Variants in ERICH6B observed in about 807,000 individuals in gnomAD.
The protein encoded by ERICH6B is glutamate-rich protein 6B.
A neutral mutation model predicts 80.0 loss-of-function variants in ERICH6B; 69 were observed. That is an observed-to-expected ratio of 0.86 (90% CI 0.71 to 1.05). The LOEUF is 1.05. Among genes scored for constraint, ERICH6B ranks in the 50% least tolerant of loss-of-function variants. The pLI, the probability that ERICH6B is intolerant of heterozygous loss-of-function variation, is 0.00. For missense variants in ERICH6B, 754 were observed against 796.1 expected, an observed-to-expected ratio of 0.95 and a Z score of 0.64; for synonymous variants, 283 against 291.9, an observed-to-expected ratio of 0.97 and a Z score of 0.31.
At chr13:45,544,429 C>T (rs1272078205) in intron 14 of ERICH6B, among the ~76,000 whole-genome samples, 2 of 152,044 alleles carry the variant, frequency 1.3e-5, no homozygotes, top group Non-Finnish European at 2.9e-5. Context: ...GCTATGTTGC[C>T]CAAGCTGCTC....
chr13:45,561,544 G>A lies in ERICH6B; in HGVS notation c.1250-18C>T, dbSNP rs1016615681. 7.7e-6 allele frequency: 12 copies of A among 1,549,738 alleles called. No homozygotes were observed. Among genetic ancestry groups the A allele is most frequent in the East Asian group, 7.3e-5 (3 of 40,910 alleles). ...CTTTTGAGCTGCCATTCAATTCAAC[G>A]ATTGCATTGAATAAGATTTTGGTGG... On this transcript the variant is annotated intron_variant, in intron 10 of 14. Transcript: ENST00000298738.
chr13:45,551,784 T>G (rs3014912), intron 11 of ERICH6B, among the ~76,000 whole-genome samples: 91,990 of 151,996 alleles, frequency 0.61, 29,977 homozygotes, highest in African/African-American at 0.84. Context: ...TTGAGGCTAC[T>G]AGTTTGATCT....
intron 1 of ERICH6B, among the ~76,000 whole-genome samples, chr13:45,609,890 G>A (rs1331907333): frequency 6.6e-6 from 1 of 152,258 alleles, no homozygotes; most frequent in Admixed American, 6.5e-5. Flanking sequence ...GAGTGAAGGA[G>A]ATCTGATCTG....
chr13:45,551,768 A>C (rs951902204), intron 11 of ERICH6B, among the ~76,000 whole-genome samples: 1 of 152,154 alleles, frequency 6.6e-6, no homozygotes, highest in Admixed American at 6.5e-5. Flanking sequence ...ATAATTATGA[A>C]AGGGCTTGAG....
chr13:45,596,736 C>T lies in ERICH6B; in HGVS notation c.270G>A (p.Glu90=), dbSNP rs951690670. Residue 90 remains glutamate (E), a synonymous_variant, in exon 3 of 15, where the codon GAG becomes GAA. Transcript: ENST00000298738. ...CCAGATACTCTTCCTCCTCCAGATG[C>T]TCTTCCTTCCCCAGATACTCTTCCT... ...LKEEEYLGKE[E]HLEEEEYLEK... 1.9e-6 allele frequency: 3 copies of T among 1,551,634 alleles called. No individual in the cohort carries two copies. In the African/African-American group the frequency reaches 4.1e-5, roughly 21 times the overall value.
At chr13:45,546,777 G>A (rs1321881132) in intron 13 of ERICH6B, among the ~76,000 whole-genome samples, 4 of 152,192 alleles carry the variant, frequency 2.6e-5, no homozygotes, top group East Asian at 1.9e-4. Flanking sequence ...AACCTTTCAC[G>A]GAACACAGGG....
chr13:45,582,170 C>A (rs1875699730), intron 5 of ERICH6B, among the ~76,000 whole-genome samples: 1 of 152,216 alleles, frequency 6.6e-6, no homozygotes, highest in Admixed American at 6.5e-5. Flanking sequence ...AGGACACCAG[C>A]CCTTCTGTTG....
chr13:45,563,846 T>C (rs775381500), intron 9 of ERICH6B, 58 bp from the exon 10 acceptor site: 3 of 1,378,012 alleles, frequency 2.2e-6, no homozygotes, highest in Non-Finnish European at 3.0e-6. Context: ...ATACATGCCA[T>C]CACACACAGT....
intron 2 of ERICH6B, among the ~76,000 whole-genome samples, chr13:45,600,511 C>G (rs925996805): frequency 6.6e-6 from 1 of 152,144 alleles, no homozygotes; most frequent in African/African-American, 2.4e-5. Flanking sequence ...TAATTTCTCA[C>G]CATCCACTCC....
chr13:45,572,325 C>T (rs1875206336), intron 8 of ERICH6B, among the ~76,000 whole-genome samples: 2 of 152,172 alleles, frequency 1.3e-5, no homozygotes, highest in African/African-American at 4.8e-5. Context: ...TATTACTAAT[C>T]TTCCTGCCCT....
intron 7 of ERICH6B, among the ~76,000 whole-genome samples, chr13:45,575,177 C>T (rs1875341455): frequency 6.6e-6 from 1 of 152,154 alleles, no homozygotes; most frequent in Non-Finnish European, 1.5e-5. Context: ...GTGCATGTTC[C>T]TGGTGGCTGG....
chr13:45,541,768 C>T (rs1351774830), intron 14 of ERICH6B, 88 bp from the exon 15 acceptor site: 1 of 1,228,680 alleles, frequency 8.1e-7, no homozygotes, highest in Non-Finnish European at 1.2e-6. Context: ...GTGGCCAGGA[C>T]CAAGCGTTCC....
intron 13 of ERICH6B, among the ~76,000 whole-genome samples, chr13:45,549,405 T>C (rs2137960706): frequency 6.6e-6 from 1 of 152,294 alleles, no homozygotes; most frequent in East Asian, 1.9e-4. Flanking sequence ...TTGAAGTGAC[T>C]GAGTGGTCTT....
intron 6 of ERICH6B, 25 bp from the exon 7 acceptor site, chr13:45,579,999 T>C: frequency 6.8e-7 from 1 of 1,465,440 alleles, no homozygotes; most frequent in Non-Finnish European, 9.3e-7. Flanking sequence ...GAAAAATTAT[T>C]AACAGGATAC....
At chr13:45,586,812 C>A (rs906385891) in intron 5 of ERICH6B, among the ~76,000 whole-genome samples, 1 of 152,094 alleles carries the variant, frequency 6.6e-6, no homozygotes, top group African/African-American at 2.4e-5. Flanking sequence ...ATGGAAGAAG[C>A]TATTTGTTTC....
chr13:45,603,191 G>C (rs1949837092), intron 2 of ERICH6B, among the ~76,000 whole-genome samples: 1 of 152,218 alleles, frequency 6.6e-6, no homozygotes, highest in African/African-American at 2.4e-5. Flanking sequence ...TTTTCTTGTA[G>C]CTGGGCCCTC....
intron 7 of ERICH6B, among the ~76,000 whole-genome samples, chr13:45,575,708 G>A (rs1875371793): frequency 6.6e-6 from 1 of 152,312 alleles, no homozygotes; most frequent in African/African-American, 2.4e-5. Flanking sequence ...ATGTCTCCCA[G>A]AGACAGTGAA....
intron 9 of ERICH6B, among the ~76,000 whole-genome samples, chr13:45,566,264 C>T (rs1874908841): frequency 1.3e-5 from 2 of 152,186 alleles, no homozygotes; most frequent in African/African-American, 4.8e-5. Flanking sequence ...TGCAGCCTGA[C>T]AATGCAATAG....
intron 1 of ERICH6B, among the ~76,000 whole-genome samples, chr13:45,612,078 T>A (rs1949902950): frequency 6.6e-6 from 1 of 152,256 alleles, no homozygotes; most frequent in Non-Finnish European, 1.5e-5. Flanking sequence ...GGATTGATGT[T>A]ACATTTCATC....
Sources: allele counts gnomAD v4.1 joint callset (sites outside exome capture counted in the v4.1 genomes callset), GRCh38; gene constraint gnomAD v4.1.1; transcripts MANE v1.5; gene names NCBI Gene and HGNC (gene_info 2026-07-23, HGNC 2026-07-21).